MORC1: variants seen among roughly 807,000 people sequenced by gnomAD.
MORC1 encodes the protein MORC family CW-type zinc finger 1.
Under a neutral mutation model 134.9 loss-of-function variants are expected in MORC1, and 59 were observed. That is an observed-to-expected ratio of 0.44 (90% CI 0.35 to 0.54). The LOEUF (loss-of-function observed/expected upper bound fraction) is 0.54, where lower values mean the gene tolerates loss of function less well. Among genes scored for constraint, MORC1 ranks in the 20% least tolerant of loss-of-function variants. The pLI is 0.00. For missense variants in MORC1, 947 were observed against 1,134.5 expected, an observed-to-expected ratio of 0.83 and a Z score of 2.37; for synonymous variants, 395 against 391.7, an observed-to-expected ratio of 1.01 and a Z score of -0.10.
intron 18 of MORC1, among the ~76,000 whole-genome samples, chr3:109,006,540 A>G (rs1419047188): frequency 6.6e-6 from 1 of 152,244 alleles, no homozygotes; most frequent in Admixed American, 6.5e-5. Context: ...AAAGAGTTCC[A>G]TATTTTTGTG....
At chr3:109,055,157 G>T (rs1396824386) in intron 13 of MORC1, among the ~76,000 whole-genome samples, 1 of 152,156 alleles carries the variant, frequency 6.6e-6, no homozygotes, top group African/African-American at 2.4e-5. Flanking sequence ...GGAGAGTGAG[G>T]GTGGGTGGGA....
At chr3:109,071,834 T>C (rs187138072) in intron 8 of MORC1, among the ~76,000 whole-genome samples, 390 of 152,282 alleles carry the variant, frequency 2.6e-3, no homozygotes, top group African/African-American at 8.3e-3. Context: ...ATAAGCCATA[T>C]GGTTTGCATA....
At chr3:108,968,956 T>G (rs1430175396) in intron 26 of MORC1, among the ~76,000 whole-genome samples, 8 of 53,502 alleles carry the variant, frequency 1.5e-4, no homozygotes, top group Admixed American at 3.0e-4. Context: ...AGTACCAGGG[T>G]TTTTTTTTTT....
intron 11 of MORC1, among the ~76,000 whole-genome samples, chr3:109,060,689 G>A (rs1041517729): frequency 6.6e-6 from 1 of 152,014 alleles, no homozygotes; most frequent in Non-Finnish European, 1.5e-5. Flanking sequence ...AAAAGTTCAG[G>A]TCATTCTGCT....
rs1055338137 is a variant in MORC1, at chr3:109,104,628, C to T, written c.155-711G>A. 8.6e-5 allele frequency among the ~76,000 whole-genome samples: 13 copies of T among 152,008 alleles called. No homozygotes were observed. In the East Asian group the frequency reaches 2.5e-3, roughly 29 times the overall value. ...ATCACTTGAGGCCAGGGGTTCAAGA[C>T]CAGCCTGCCCAAGGTAGTAAGACTT... On this transcript the variant is annotated intron_variant, in intron 3 of 27. Transcript: ENST00000232603.
intron 13 of MORC1, among the ~76,000 whole-genome samples, chr3:109,055,312 T>G (rs1042746285): frequency 1.3e-5 from 2 of 152,210 alleles, no homozygotes; most frequent in Non-Finnish European, 2.9e-5. Context: ...GCAGAGGTCC[T>G]TGGGGTGCTC....
At position 109,027,886 on chromosome 3, in the gene MORC1, A is replaced by C; in HGVS notation, c.1569T>G (p.Cys523Trp). Residue 523 changes from cysteine (C) to tryptophan (W), a missense_variant, in exon 17 of 28, where the codon TGT becomes TGG. This residue lies in a region of MORC1 where 722 missense variants were observed against 817.0 expected (regional missense o/e 0.88). Transcript: ENST00000232603. ...TGGAAGGTAGACATTCTACCTGATGACAACTTCAGAATCAACAAGTACAAG... is the reference window on the plus strand; with the variant it reads ...TGGAAGGTAGACATTCTACCTGATGCCAACTTCAGAATCAACAAGTACAAG... ...ANNPNRLENS[C>W]HQVECLPSIP... The C allele has an allele frequency of 6.2e-7, 1 of 1,613,282 alleles. No individual in the cohort carries two copies. Among genetic ancestry groups the C allele is most frequent in the Non-Finnish European group, 8.5e-7 (1 of 1,179,592 alleles).
At chr3:109,025,366 CTTTTTCT>C (rs1330133575) in intron 17 of MORC1, among the ~76,000 whole-genome samples, 1 of 115,230 alleles carries the variant, frequency 8.7e-6, no homozygotes, top group Non-Finnish European at 1.9e-5. Context: ...TCTTTGGTTT[CTTTTTCT>C]TTTTTCTTTT....
chr3:109,095,247 T>C (rs1950807679), intron 6 of MORC1, among the ~76,000 whole-genome samples, 179 bp from the exon 7 acceptor site: 1 of 152,174 alleles, frequency 6.6e-6, no homozygotes, highest in Non-Finnish European at 1.5e-5. Flanking sequence ...ATAGACAGGA[T>C]TGTATTTTAA....
intron 14 of MORC1, among the ~76,000 whole-genome samples, chr3:109,039,898 T>C (rs1454302818): frequency 1.3e-5 from 2 of 152,074 alleles, no homozygotes; most frequent in East Asian, 3.9e-4. Flanking sequence ...TTTTTTTACC[T>C]CCTTTCATTT....
Position 108,989,969 on chromosome 3 carries a change from T to C in MORC1, c.2188-3020A>G, listed in dbSNP as rs187652815. Among the ~76,000 whole-genome samples the C allele has an allele frequency of 2.3e-3, 348 of 152,212 alleles. 3 individuals carry two copies. The highest frequency in any genetic ancestry group is 7.6e-3 in the African/African-American group (317 of 41,538). On this transcript the variant is annotated intron_variant, in intron 21 of 27. Transcript: ENST00000232603. The stretch of plus-strand genomic sequence containing the variant: ...GACCTGGTGGGAGGTAATTGAGTCA[T>C]GGGGGCGGGTTTTTCCTGGCTGTTC...
chr3:109,054,141 G>A (rs1353795921), intron 14 of MORC1, among the ~76,000 whole-genome samples: 1 of 152,048 alleles, frequency 6.6e-6, no homozygotes, highest in Non-Finnish European at 1.5e-5. Context: ...AATTAGGCGG[G>A]CGTGGTGGCA....
chr3:109,100,610 C>A, intron 4 of MORC1, 103 bp from the exon 5 acceptor site: 1 of 870,438 alleles, frequency 1.1e-6, no homozygotes, highest in East Asian at 2.5e-5. Flanking sequence ...CAGGACAAAC[C>A]CATAGCTCTT....
intron 17 of MORC1, among the ~76,000 whole-genome samples, chr3:109,015,059 C>T (rs1414051868): frequency 6.6e-6 from 1 of 151,894 alleles, no homozygotes; most frequent in Non-Finnish European, 1.5e-5. Context: ...CTAATTTGTT[C>T]GTATTTTTAG....
At chr3:109,008,750 AG>A (rs1416143771) in intron 17 of MORC1, among the ~76,000 whole-genome samples, 1 of 152,074 alleles carries the variant, frequency 6.6e-6, no homozygotes, top group Non-Finnish European at 1.5e-5. Flanking sequence ...GTCTTTAGAC[AG>A]GATCTATGTA....
chr3:109,060,458 A>C (rs1950055514), intron 11 of MORC1, among the ~76,000 whole-genome samples: 1 of 151,358 alleles, frequency 6.6e-6, no homozygotes, highest in Admixed American at 6.6e-5. Flanking sequence ...TGCTCCCTCT[A>C]ACCAAGCAGA....
At chr3:108,960,569 CTT>C (rs1947054241) in intron 27 of MORC1, among the ~76,000 whole-genome samples, 1 of 152,074 alleles carries the variant, frequency 6.6e-6, no homozygotes, top group South Asian at 2.1e-4. Flanking sequence ...TGCTTGTTGA[CTT>C]TTTTGAGGGC....
At chr3:109,037,730 A>G (rs1224219149) in intron 14 of MORC1, among the ~76,000 whole-genome samples, 1 of 152,174 alleles carries the variant, frequency 6.6e-6, no homozygotes, top group East Asian at 1.9e-4. Context: ...GCTCAGAATG[A>G]TAGTTTCTGG....
At chr3:108,961,681 C>T (rs556921959) in intron 27 of MORC1, among the ~76,000 whole-genome samples, 3 of 152,170 alleles carry the variant, frequency 2.0e-5, no homozygotes, top group Non-Finnish European at 1.5e-5. Context: ...TGAGATTAGG[C>T]AAAAGAGTTT....
Sources: allele counts gnomAD v4.1 joint callset (sites outside exome capture counted in the v4.1 genomes callset), GRCh38; gene constraint gnomAD v4.1.1; regional missense constraint gnomAD v4.1.1; transcripts MANE v1.5; gene names NCBI Gene and HGNC (gene_info 2026-07-23, HGNC 2026-07-21).